The following GFOD2 variants were observed in gnomAD, a reference collection of about 807,000 sequenced individuals.
GFOD2 encodes Gfo/Idh/MocA-like oxidoreductase domain containing 2, also known as glucose-fructose oxidoreductase domain-containing protein 2.
In GFOD2, 9 loss-of-function variants were observed where a neutral mutation model predicts 24.6. The ratio of observed to expected loss-of-function variants is 0.37; its 90% CI spans 0.22 to 0.64. The LOEUF is 0.64. Among genes scored for constraint, GFOD2 ranks in the 30% least tolerant of loss-of-function variants. The pLI is 0.65. For missense variants in GFOD2, 476 were observed against 532.5 expected (o/e 0.89, Z 1.04); for synonymous variants, 211 against 224.8 (o/e 0.94, Z 0.55).
intron 1 of GFOD2, among the ~76,000 whole-genome samples, chr16:67,698,699 G>A (rs1382004134): frequency 6.6e-6 from 1 of 152,166 alleles, no homozygotes. Context: ...GGCTGGTCTC[G>A]AACTCCTGAC....
chr16:67,698,985 C>T (rs1326835505), intron 1 of GFOD2, among the ~76,000 whole-genome samples: 1 of 152,112 alleles, frequency 6.6e-6, no homozygotes, highest in Admixed American at 6.6e-5. Flanking sequence ...AATAACTGAA[C>T]TATAGACCAA....
intron 2 of GFOD2, 79 bp from the exon 3 acceptor site, chr16:67,676,132 G>C: frequency 7.2e-7 from 1 of 1,394,876 alleles, no homozygotes; most frequent in Non-Finnish European, 9.6e-7. Flanking sequence ...GAGGATTTTG[G>C]ACTTCTCTGC....
intron 2 of GFOD2, chr16:67,684,713 T>C: frequency 2.1e-6 from 2 of 967,092 alleles, no homozygotes; most frequent in Non-Finnish European, 2.5e-6. Context: ...AAATAAAAAT[T>C]GCTGGCTGAA....
In GFOD2 at chr16:67,675,180, T is replaced by C; in HGVS notation, c.1133A>G (p.Glu378Gly). 1 of 1,613,722 alleles carries C rather than the reference T, an allele frequency of 6.2e-7. No individual in the cohort carries two copies. Among genetic ancestry groups the C allele is most frequent in the Middle Eastern group, 1.6e-4 (1 of 6,062 alleles). ...TCATAGGTTGTTCCGCTGAAGTGCC[T>C]CACACAGGTTCTGGTTGGTGTCGGG... ...EEPDTNQNLC[E>G]ALQRNNL is the part of the protein sequence containing the mutation. The change falls in exon 3 of 3, where the codon GAG becomes GGG. Residue 378 changes from glutamate (E) to glycine (G), a missense_variant. Transcript: ENST00000268797.
intron 1 of GFOD2, among the ~76,000 whole-genome samples, chr16:67,703,325 C>T (rs1331053369): frequency 6.6e-6 from 1 of 152,176 alleles, no homozygotes; most frequent in Non-Finnish European, 1.5e-5. Flanking sequence ...ATCGCTTGAA[C>T]CCAGGAAGTG....
At chr16:67,702,108 C>T (rs565516324) in intron 1 of GFOD2, among the ~76,000 whole-genome samples, 242 of 152,240 alleles carry the variant, frequency 1.6e-3, no homozygotes, top group African/African-American at 5.6e-3. Flanking sequence ...TGTTTACCTA[C>T]TCCTTTATTT....
intron 1 of GFOD2, among the ~76,000 whole-genome samples, chr16:67,699,900 T>G: frequency 6.7e-6 from 1 of 149,668 alleles, no homozygotes; most frequent in East Asian, 2.0e-4. Context: ...GTGAACATGG[T>G]GAAACCCTGT....
At chr16:67,694,314 T>C (rs1411968613) in intron 1 of GFOD2, among the ~76,000 whole-genome samples, 2 of 152,020 alleles carry the variant, frequency 1.3e-5, no homozygotes, top group Non-Finnish European at 2.9e-5. Flanking sequence ...TTATTTTTTG[T>C]AGAGATGGGG....
intron 2 of GFOD2, among the ~76,000 whole-genome samples, chr16:67,679,861 T>C (rs2053211234): frequency 6.7e-6 from 1 of 149,916 alleles, no homozygotes. Context: ...CCCTCCAGCC[T>C]GGGCGACAGA....
At chr16:67,705,294 G>A (rs780166973) in intron 1 of GFOD2, among the ~76,000 whole-genome samples, 1 of 151,974 alleles carries the variant, frequency 6.6e-6, no homozygotes, top group Admixed American at 6.6e-5. Context: ...TGCAACCTTC[G>A]CCTCCCAGGT....
At chr16:67,694,135 C>A (rs1008591737) in intron 1 of GFOD2, among the ~76,000 whole-genome samples, 1 of 152,048 alleles carries the variant, frequency 6.6e-6, no homozygotes, top group Non-Finnish European at 1.5e-5. Flanking sequence ...GCTGGGATTA[C>A]AGGCACACGC....
rs551308927 is a variant in GFOD2, at chr16:67,680,242, G to A, written c.260-4189C>T. On this transcript the variant is annotated intron_variant, in intron 2 of 2. Coordinates refer to ENST00000268797, the MANE Select transcript of GFOD2 (RefSeq NM_030819.4). ...TTTTAGAAAATCTAATTTTCAGGCT[G>A]GGTGAGGTGGCTCACAGGTGTGGCA... 4.6e-5 allele frequency among the ~76,000 whole-genome samples: 7 copies of A among 152,262 alleles called. No homozygotes were observed. In the South Asian group the frequency reaches 1.5e-3, roughly 32 times the overall value.
At position 67,705,950 on chromosome 16, in the gene GFOD2, A is replaced by G. The variant is rs151224701; in HGVS notation, c.-88+13213T>C. ...GTGAAACTCTATCTTTAAAAAAAAA[A>G]AAGTGCCTGTTATGGTTTTCCCTGT... On this transcript the variant is annotated intron_variant, in intron 1 of 2. Transcript: ENST00000268797. Among the ~76,000 whole-genome samples, 49 of 151,164 alleles carry G rather than the reference A, an allele frequency of 3.2e-4. No homozygotes were observed. The East Asian group carries it at 9.4e-3, about 29-fold the overall frequency.
intron 1 of GFOD2, among the ~76,000 whole-genome samples, chr16:67,702,279 T>C (rs897280865): frequency 1.3e-5 from 2 of 151,722 alleles, no homozygotes; most frequent in African/African-American, 4.8e-5. Context: ...AGGCTAGGAG[T>C]TTGAGACCAA....
At chr16:67,676,739 GA>G (rs972713808) in intron 2 of GFOD2, 2 of 152,286 alleles carry the variant, frequency 1.3e-5, no homozygotes, top group African/African-American at 4.8e-5. Context: ...GGAAGGGAAG[GA>G]AGTGAGAATA....
intron 1 of GFOD2, among the ~76,000 whole-genome samples, chr16:67,693,373 G>C (rs2053330884): frequency 6.6e-6 from 1 of 151,934 alleles, no homozygotes; most frequent in Non-Finnish European, 1.5e-5. Context: ...CCGCCTCCTG[G>C]GTTCAAGTAA....
intron 1 of GFOD2, among the ~76,000 whole-genome samples, chr16:67,692,753 A>G (rs1051861747): frequency 6.6e-6 from 1 of 150,464 alleles, no homozygotes; most frequent in Non-Finnish European, 1.5e-5. Flanking sequence ...AAGGCCGGGC[A>G]CGGTGGCTCA....
rs2053180916 is a variant in GFOD2, at chr16:67,675,827, A to G, written c.486T>C (p.Tyr162=). 6.2e-7 allele frequency: 1 copy of G among 1,614,210 alleles called. No homozygotes were observed. The highest frequency in any genetic ancestry group is 1.3e-5 in the African/African-American group (1 of 75,072). Residue 162 remains tyrosine, a synonymous_variant, in exon 3 of 3, where the codon TAT becomes TAC. Coordinates refer to ENST00000268797, the MANE Select transcript of GFOD2 (RefSeq NM_030819.4). ...IYSGSLLSPS[Y]GWICDELMGG... Reference sequence around the variant, plus strand: ...CCATGAGCTCATCACAGATCCAGCCATAGCTGGGGCTCAGCAGGCTGCCTG... The same window carrying G: ...CCATGAGCTCATCACAGATCCAGCCGTAGCTGGGGCTCAGCAGGCTGCCTG...
chr16:67,706,667 A>G (rs373797853), intron 1 of GFOD2, among the ~76,000 whole-genome samples: 1 of 152,230 alleles, frequency 6.6e-6, no homozygotes, highest in African/African-American at 2.4e-5. Flanking sequence ...GACAGGACAC[A>G]AAAAGCACTA....
Sources: allele counts gnomAD v4.1 joint callset (sites outside exome capture counted in the v4.1 genomes callset), GRCh38; gene constraint gnomAD v4.1.1; transcripts MANE v1.5; gene names NCBI Gene and HGNC (gene_info 2026-07-23, HGNC 2026-07-21).